The following RNF122 variants were observed in gnomAD, a reference collection of about 807,000 sequenced individuals.
RNF122 encodes the protein ring finger protein 122.
Under a neutral mutation model 24.2 loss-of-function variants are expected in RNF122, and 17 were observed. The ratio of observed to expected loss-of-function variants is 0.70; its 90% CI spans 0.48 to 1.06. The LOEUF (loss-of-function observed/expected upper bound fraction) is 1.06, where lower values mean the gene tolerates loss of function less well. Ranked by LOEUF, RNF122 falls within the 50% of genes least tolerant of loss-of-function variation. The pLI is 0.00. For synonymous variants in RNF122, 65 were observed against 71.8 expected (o/e 0.91, Z 0.48); for missense variants, 168 against 198.1 (o/e 0.85, Z 0.91).
At chr8:33,557,789 T>G (rs958929545) in intron 2 of RNF122, among the ~76,000 whole-genome samples, 4 of 108,194 alleles carry the variant, frequency 3.7e-5, no homozygotes, top group Non-Finnish European at 7.4e-5. Flanking sequence ...AAATGACAGT[T>G]TTTTAGGTTT....
chr8:33,549,573 T>G, intron 4 of RNF122, 81 bp from the exon 5 acceptor site: 12 of 1,035,396 alleles, frequency 1.2e-5, no homozygotes, highest in Non-Finnish European at 1.7e-5. Context: ...AACTAAGCTC[T>G]AGCCTAGTCT....
intron 1 of RNF122, among the ~76,000 whole-genome samples, chr8:33,564,080 A>C (rs906963970): frequency 6.6e-6 from 1 of 152,156 alleles, no homozygotes; most frequent in Non-Finnish European, 1.5e-5. Context: ...AGAAATGGCA[A>C]AATAGTCTAC....
chr8:33,549,477 A>T lies in RNF122; in HGVS notation c.286T>A (p.Cys96Ser). 1 of 1,614,022 alleles carries T rather than the reference A, an allele frequency of 6.2e-7. No homozygotes were observed. Among genetic ancestry groups the T allele is most frequent in the South Asian group, 1.1e-5 (1 of 91,084 alleles). ...TCCTTCCCCTTGAAGTCTTCCAGAC[A>T]GACTGCGCAGGTCTGCTGCAGAGAG... is the stretch of plus-strand genomic sequence containing the variant. ...LQLYGQTCAV[C>S]LEDFKGKDEL... is the part of the protein sequence containing the mutation. Residue 96 changes from cysteine to serine, a missense_variant, in exon 5 of 6, where the codon TGT becomes AGT. Cys to Ser is a moderately radical substitution (Grantham distance 112). Transcript: ENST00000256257.
Position 33,548,713 on chromosome 8 carries a change from G to C in RNF122, c.*40C>G. 1 of 1,269,574 alleles carries C rather than the reference G, an allele frequency of 7.9e-7. No homozygotes were observed. The highest frequency in any genetic ancestry group is 1.2e-6 in the Non-Finnish European group (1 of 866,312). The allele number at this position is 1,269,574 out of a possible 1,614,324, so 78.6% of individuals were successfully genotyped here. ...GTGCAGAGGGACCAGACATCCATGA[G>C]GCAAGAGGTCTTCTCCAGGTCTCGG... is the stretch of plus-strand genomic sequence containing the variant. On this transcript the variant is annotated 3_prime_UTR_variant, in exon 6 of 6. Coordinates refer to ENST00000256257, the MANE Select transcript of RNF122 (RefSeq NM_024787.3).
At chr8:33,551,485 A>C in intron 2 of RNF122, 96 bp from the exon 3 acceptor site, 1 of 1,273,076 alleles carries the variant, frequency 7.9e-7, no homozygotes, top group South Asian at 1.2e-5. Context: ...TTCCGAGGGC[A>C]GGGAGGGGTG....
intron 4 of RNF122, among the ~76,000 whole-genome samples, chr8:33,549,764 T>G (rs1217210379): frequency 7.9e-6 from 1 of 126,462 alleles, no homozygotes; most frequent in African/African-American, 4.3e-5. Flanking sequence ...GGTTTCCATA[T>G]TGAATGGCAT....
At chr8:33,549,532 A>G in intron 4 of RNF122, 40 bp from the exon 5 acceptor site, 9 of 1,470,150 alleles carry the variant, frequency 6.1e-6, no homozygotes, top group Non-Finnish European at 8.6e-6. Context: ...GAACTGGGGA[A>G]CCATCTCACT....
At chr8:33,561,858 G>A (rs1017630708) in intron 1 of RNF122, among the ~76,000 whole-genome samples, 3 of 151,970 alleles carry the variant, frequency 2.0e-5, no homozygotes, top group Non-Finnish European at 2.9e-5. Context: ...TCTCCTTGTC[G>A]TTTTGATCTT....
chr8:33,554,893 C>T (rs1015320356), intron 2 of RNF122, among the ~76,000 whole-genome samples: 20 of 152,200 alleles, frequency 1.3e-4, no homozygotes, highest in African/African-American at 4.3e-4. Context: ...TGGCCTTGGC[C>T]GCTGAGCTCA....
intron 1 of RNF122, among the ~76,000 whole-genome samples, chr8:33,559,624 A>G (rs1330906853): frequency 6.6e-6 from 1 of 152,212 alleles, no homozygotes; most frequent in Non-Finnish European, 1.5e-5. Flanking sequence ...TGCCAGGACT[A>G]GAATAGAAAT....
rs1253431848 is a variant in RNF122 at position 33,548,679 on chromosome 8, G to T, written c.*74C>A. ...TCGTCATCACCCTACAGTCCTGTTG[G>T]TTGGAGCTGTGCAGAGGGACCAGAC... On this transcript the variant is annotated 3_prime_UTR_variant, in exon 6 of 6. Transcript: ENST00000256257. The T allele has an allele frequency of 1.1e-6, 1 of 917,016 alleles. No individual in the cohort carries two copies. Among genetic ancestry groups the T allele is most frequent in the Non-Finnish European group, 1.8e-6 (1 of 550,822 alleles). 56.8% of individuals were successfully genotyped at this position (917,016 alleles called of 1,614,324 possible).
chr8:33,566,676 C>T (rs1006553102), intron 1 of RNF122, 23 bp downstream of exon 1: 7 of 1,595,332 alleles, frequency 4.4e-6, no homozygotes, highest in Non-Finnish European at 6.0e-6. Context: ...CACGTAGGCT[C>T]GGCCCTCGCC....
At chr8:33,566,015 G>C (rs1459790660) in intron 1 of RNF122, among the ~76,000 whole-genome samples, 1 of 152,106 alleles carries the variant, frequency 6.6e-6, no homozygotes, top group Non-Finnish European at 1.5e-5. Flanking sequence ...CACCACTCCC[G>C]GCTAATTTTG....
At chr8:33,564,071 GA>G (rs1810584699) in intron 1 of RNF122, among the ~76,000 whole-genome samples, 2 of 152,184 alleles carry the variant, frequency 1.3e-5, no homozygotes, top group South Asian at 2.1e-4. Flanking sequence ...TACTATTAAA[GA>G]AATGGCAAAA....
rs1453227746 is a variant in RNF122 at position 33,567,082 on chromosome 8, C to T, written c.-359G>A. The T allele has an allele frequency of 8.8e-6, 3 of 342,436 alleles. No individual in the cohort carries two copies. Among genetic ancestry groups the T allele is most frequent in the Middle Eastern group, 9.5e-4 (1 of 1,050 alleles). 21.2% of individuals were successfully genotyped at this position (342,436 alleles called of 1,614,324 possible). Reference sequence around the variant, plus strand: ...AAAAACCTTTGCCGGAGGCTCGGATCGGGTTCAGCGGCGCAGAGGTGAGCT... The same window carrying T: ...AAAAACCTTTGCCGGAGGCTCGGATTGGGTTCAGCGGCGCAGAGGTGAGCT... On this transcript the variant is annotated 5_prime_UTR_variant, in exon 1 of 6. Transcript: ENST00000256257.
rs534605036 is a variant in RNF122, at chr8:33,548,770, A to G, written c.451T>C (p.Leu151=). The change falls in exon 6 of 6, where the codon TTG becomes CTG. Residue 151 remains leucine (L), a synonymous_variant. Transcript: ENST00000256257. ...GGCAGCACTCACACCAGCTCATCCA[A>G]TAGAATCCCAATGTTCTGCGTGGCC... The part of the protein sequence containing the change: ...SEATQNIGIL[L]DELV The G allele has an allele frequency of 4.5e-5, 73 of 1,612,668 alleles. No individual in the cohort carries two copies. The highest frequency in any genetic ancestry group is 5.8e-5 in the Non-Finnish European group (68 of 1,178,874).
At chr8:33,559,377 T>C (rs762939420) in intron 1 of RNF122, among the ~76,000 whole-genome samples, 7 of 151,564 alleles carry the variant, frequency 4.6e-5, no homozygotes, top group Non-Finnish European at 1.0e-4. Flanking sequence ...TTCCATTAGG[T>C]AGGAGCCCAT....
chr8:33,557,811 T>TTTTC (rs1337640127), intron 2 of RNF122, among the ~76,000 whole-genome samples: 3 of 89,170 alleles, frequency 3.4e-5, no homozygotes, highest in African/African-American at 1.7e-4. Context: ...TTTTGGTTTT[T>TTTTC]TCCACTCTCA....
intron 4 of RNF122, among the ~76,000 whole-genome samples, chr8:33,549,873 G>A (rs907279651): frequency 6.6e-6 from 1 of 151,190 alleles, no homozygotes; most frequent in Non-Finnish European, 1.5e-5. Flanking sequence ...AATACATTTG[G>A]TGATGTGGCA....
Sources: gnomAD v4.1 joint callset for allele counts (sites outside exome capture counted in the v4.1 genomes callset) on GRCh38, gnomAD v4.1.1 for gene constraint, MANE v1.5 for transcripts, NCBI Gene and HGNC (gene_info 2026-07-23, HGNC 2026-07-21) for gene names.